The following HEXA variants were observed in gnomAD, a reference collection of about 807,000 sequenced individuals.
HEXA encodes the protein hexosaminidase subunit alpha, also known as beta-hexosaminidase subunit alpha.
Under a neutral mutation model 73.3 loss-of-function variants are expected in HEXA, and 54 were observed. The ratio of observed to expected loss-of-function variants is 0.74; its 90% CI spans 0.59 to 0.92. The LOEUF is 0.92. Among genes scored for constraint, HEXA ranks in the 40% least tolerant of loss-of-function variants. The pLI, the probability that HEXA is intolerant of heterozygous loss-of-function variation, is 0.00. For missense variants in HEXA, 649 were observed against 653.0 expected (o/e 0.99, Z 0.07); for synonymous variants, 230 against 246.9 (o/e 0.93, Z 0.64).
Position 72,349,244 on chromosome 15 carries a change from A to G in HEXA, c.821T>C (p.Leu274Pro). 6.2e-7 allele frequency: 1 copy of G among 1,614,110 alleles called. No homozygotes were observed. Among genetic ancestry groups the G allele is most frequent in the Non-Finnish European group, 8.5e-7 (1 of 1,179,968 alleles). Residue 274 changes from leucine to proline, a missense_variant, in exon 8 of 14, where the codon CTG becomes CCG. Transcript: ENST00000268097. ...LSWGPGIPGL[L>P]TPCYSGSEPS... ...CTCAGACCCAGAGTAGCAAGGAGTC[A>G]GTAATCCAGGGATACCTAAGCCAAG...
At chr15:72,365,540 G>C (rs371265577) in intron 1 of HEXA, among the ~76,000 whole-genome samples, 1 of 151,612 alleles carries the variant, frequency 6.6e-6, no homozygotes, top group Non-Finnish European at 1.5e-5. Context: ...TTCCTTTACG[G>C]TCTCTTTATT....
intron 1 of HEXA, chr15:72,370,333 C>G: frequency 3.2e-6 from 1 of 312,842 alleles, no homozygotes. Flanking sequence ...GCCCAGGCTA[C>G]CCACATACAC....
rs758048549 is a variant in HEXA, at chr15:72,346,550, A to G, written c.1307T>C (p.Ile436Thr). The G allele has an allele frequency of 6.2e-7, 1 of 1,613,866 alleles. No individual in the cohort carries two copies. Among genetic ancestry groups the G allele is most frequent in the Non-Finnish European group, 8.5e-7 (1 of 1,179,766 alleles). The change falls in exon 11 of 14, where the codon ATA becomes ACA. Residue 436 changes from isoleucine to threonine, a missense_variant. Coordinates refer to ENST00000268097, the MANE Select transcript of HEXA (RefSeq NM_000520.6). Reference protein sequence around the residue: ...SYGPDWKDFYIVEPLAFEGTP... With the variant: ...SYGPDWKDFYTVEPLAFEGTP... ...ACCTTCAAATGCCAGGGGTTCCACTATGTAGAAATCCTTCCAGTCAGGGCC... is the reference window on the plus strand; with the variant it reads ...ACCTTCAAATGCCAGGGGTTCCACTGTGTAGAAATCCTTCCAGTCAGGGCC...
chr15:72,355,562 G>A lies in HEXA; in HGVS notation c.409C>T (p.Arg137Ter), dbSNP rs121907962. ...LLSETVWGAL[R>*]GLETFSQLVW... ...TTAATCAGCCCCAATTTGTTACCTC[G>A]GAGAGCTCCCCAGACAGTCTCAGAG... Residue 137 changes from arginine to a stop codon, truncating the protein, a stop_gained, in exon 3 of 14, where the codon CGA becomes TGA. Coordinates refer to ENST00000268097, the MANE Select transcript of HEXA (RefSeq NM_000520.6). LOFTEE classifies it high-confidence loss of function. The A allele has an allele frequency of 5.9e-5, 94 of 1,601,902 alleles. No homozygotes were observed. The highest frequency in any genetic ancestry group is 7.6e-5 in the Non-Finnish European group (89 of 1,169,162).
At position 72,348,064 on chromosome 15, in the gene HEXA, A is replaced by C. The variant is rs1487481958; in HGVS notation, c.1057T>G (p.Ser353Ala). 1 of 1,612,300 alleles carries C rather than the reference A, an allele frequency of 6.2e-7. No individual in the cohort carries two copies. The change falls in exon 9 of 14, where the codon TCC becomes GCC. Residue 353 changes from serine to alanine, a missense_variant. Coordinates refer to ENST00000268097, the MANE Select transcript of HEXA (RefSeq NM_000520.6). ...CTTCCTCACGTCTGGATGTAGAAGG[A>C]CTCCAGCTGCTTGAAGTCCTCACCG... is the stretch of plus-strand genomic sequence containing the variant. Reference protein sequence around the residue: ...GFGEDFKQLESFYIQTLLDIV... With the variant: ...GFGEDFKQLEAFYIQTLLDIV...
chr15:72,370,181 T>C (rs556972086), intron 1 of HEXA: 3 of 152,914 alleles, frequency 2.0e-5, no homozygotes, highest in African/African-American at 7.3e-5. Context: ...AAGGGGTTAA[T>C]AAACACTTTC....
rs1258171730 is a variant in HEXA at position 72,343,098 on chromosome 15, G to A, written c.*979C>T. 9 of 152,392 alleles carry A rather than the reference G, an allele frequency of 5.9e-5. No homozygotes were observed. Among genetic ancestry groups the A allele is most frequent in the African/African-American group, 2.2e-4 (9 of 41,570 alleles). The allele number at this position is 152,392 out of a possible 1,614,324, so 9.4% of individuals were successfully genotyped here. A position where few individuals can be genotyped will look rare whatever the true frequency, so the allele number is the denominator to read the frequency against. Reference sequence around the variant, plus strand: ...TAGCCGGGCGTGGTGGCGGGCGCCTGTAGTCCCAGCTACTGGGGAGGCTGA... The same window carrying A: ...TAGCCGGGCGTGGTGGCGGGCGCCTATAGTCCCAGCTACTGGGGAGGCTGA... On this transcript the variant is annotated 3_prime_UTR_variant, in exon 14 of 14. Transcript: ENST00000268097.
chr15:72,369,751 T>C (rs1203112614), intron 1 of HEXA, among the ~76,000 whole-genome samples: 1 of 152,172 alleles, frequency 6.6e-6, no homozygotes, highest in East Asian at 1.9e-4. Context: ...CCTTTCCCTC[T>C]ATATAACAAC....
At chr15:72,361,014 C>T (rs1256714781) in intron 1 of HEXA, among the ~76,000 whole-genome samples, 1 of 152,212 alleles carries the variant, frequency 6.6e-6, no homozygotes, top group Non-Finnish European at 1.5e-5. Context: ...TCCTTCACCA[C>T]CACTTCTCTC....
rs1057516617 is a variant in HEXA at position 72,346,707 on chromosome 15, G to C, written c.1150C>G (p.Gln384Glu). The C allele has an allele frequency of 1.2e-6, 2 of 1,613,880 alleles. No homozygotes were observed. The highest frequency in any genetic ancestry group is 1.7e-5 in the Admixed American group (1 of 60,006). The change falls in exon 11 of 14, where the codon CAG (glutamine) becomes GAG (glutamate). Residue 384 changes from glutamine (Q) to glutamate (E), a missense_variant. Transcript: ENST00000268097. ...CACACCTGTATGATTGTGTCTGGCT[G>C]AATCTGTTATAAAAGGTCAAATGGC... ...QEVFDNKVKIQPDTIIQVWRE... is the reference protein window; with the variant it reads ...QEVFDNKVKIEPDTIIQVWRE...
At chr15:72,345,619 C>A (rs2288259) in intron 12 of HEXA, 69 bp from the exon 13 acceptor site, 1 of 1,591,828 alleles carries the variant, frequency 6.3e-7, no homozygotes, top group African/African-American at 1.3e-5. Flanking sequence ...CATCCACAGG[C>A]TGCTACCTCT....
intron 5 of HEXA, 68 bp downstream of exon 5, chr15:72,353,000 C>T (rs574992701): frequency 2.5e-5 from 24 of 946,380 alleles, no homozygotes; most frequent in South Asian, 2.1e-4. Context: ...GAATTTGGAA[C>T]TTGGTCTGTC....
chr15:72,346,099 G>T, intron 12 of HEXA, 136 bp downstream of exon 12: 1 of 693,218 alleles, frequency 1.4e-6, no homozygotes, highest in Non-Finnish European at 2.6e-6. Flanking sequence ...TCTTCAGAAG[G>T]CTCGTTGCAC....
chr15:72,372,220 G>A (rs1017785000), intron 1 of HEXA, among the ~76,000 whole-genome samples: 11 of 152,136 alleles, frequency 7.2e-5, no homozygotes, highest in East Asian at 1.9e-4. Flanking sequence ...ATGGTGGTGG[G>A]TGCCTGAATT....
intron 3 of HEXA, chr15:72,355,137 G>A (rs540690687): frequency 7.0e-5 from 20 of 285,414 alleles, no homozygotes; most frequent in African/African-American, 3.3e-4. Flanking sequence ...CCCTGACTAG[G>A]GCAGCAGCAG....
At chr15:72,347,570 G>A (rs1478608801) in intron 10 of HEXA, 116 bp downstream of exon 10, 21 of 842,440 alleles carry the variant, frequency 2.5e-5, no homozygotes, top group South Asian at 2.4e-4. Flanking sequence ...AGAGTGCTCC[G>A]ACCATTAAAG....
chr15:72,350,405 A>G, intron 7 of HEXA, 113 bp downstream of exon 7: 4 of 1,154,030 alleles, frequency 3.5e-6, no homozygotes, highest in Non-Finnish European at 3.9e-6. Flanking sequence ...GTCGATGGAA[A>G]ACATTCTTCT....
intron 3 of HEXA, chr15:72,354,061 A>G (rs2088739347): frequency 2.4e-6 from 1 of 420,398 alleles, no homozygotes. Context: ...AGGCCAAGAC[A>G]TATACTCATG....
At chr15:72,349,337 G>T in intron 7 of HEXA, 78 bp from the exon 8 acceptor site, 1 of 1,138,438 alleles carries the variant, frequency 8.8e-7, no homozygotes, top group Non-Finnish European at 1.3e-6. Flanking sequence ...AAGGACACGA[G>T]TCACACAAAG....
Sources: allele counts gnomAD v4.1 joint callset (sites outside exome capture counted in the v4.1 genomes callset), GRCh38; gene constraint gnomAD v4.1.1; transcripts MANE v1.5; gene names NCBI Gene and HGNC (gene_info 2026-07-23, HGNC 2026-07-21).